CMYA5: variants seen among roughly 807,000 people sequenced by gnomAD.
CMYA5 encodes cardiomyopathy associated 5, also known as cardiomyopathy-associated protein 5.
In CMYA5, 246 loss-of-function variants were observed where a neutral mutation model predicts 318.9. That is an observed-to-expected ratio of 0.77 (90% CI 0.70 to 0.86). The LOEUF is 0.86. CMYA5 is among the 40% of genes least tolerant of loss of function. The probability of loss-of-function intolerance (pLI) is 0.00; values close to 1 mark genes in which losing one functional copy is unlikely to be tolerated. For missense variants in CMYA5, 4,589 were observed against 4,678.2 expected, an observed-to-expected ratio of 0.98 and a Z score of 0.56; for synonymous variants, 1,641 against 1,729.5, an observed-to-expected ratio of 0.95 and a Z score of 1.27.
Position 79,730,084 on chromosome 5 carries a change from C to T in CMYA5, c.1319C>T (p.Ser440Leu), listed in dbSNP as rs781412551. The change falls in exon 2 of 13, where the codon TCA becomes TTA. Residue 440 changes from serine (S) to leucine (L), a missense_variant. Around this residue, in one of 3 missense-constraint regions of CMYA5, gnomAD observed 2,132 missense variants for 2,131.3 expected, o/e 1.00. Coordinates refer to ENST00000446378, the MANE Select transcript of CMYA5 (RefSeq NM_153610.5). ...CATTCCATTTCTCTGGAGGCAGCGT[C>T]ACCAGGTCTGGCAGCATCTACCCAG... ...AHHSISLEAA[S>L]PGLAASTQDG... 6 of 1,613,696 alleles carry T rather than the reference C, an allele frequency of 3.7e-6. No homozygotes were observed. In the East Asian group the frequency reaches 6.7e-5, roughly 18 times the overall value.
Position 79,792,790 on chromosome 5 carries a change from T to C in CMYA5, c.11790-647T>C, listed in dbSNP as rs145166907. Among the ~76,000 whole-genome samples, 29 of 152,346 alleles carry C rather than the reference T, an allele frequency of 1.9e-4. No individual in the cohort carries two copies. The East Asian group carries it at 5.6e-3, about 29-fold the overall frequency. On this transcript the variant is annotated intron_variant, in intron 11 of 12. Transcript: ENST00000446378. ...TTGGTTCATTTCACTAAGGTGCTTATAAAAATAGCTAAGGTGAGACAAAAA... is the reference window on the plus strand; with the variant it reads ...TTGGTTCATTTCACTAAGGTGCTTACAAAAATAGCTAAGGTGAGACAAAAA...
chr5:79,735,151 C>A lies in CMYA5; in HGVS notation c.6386C>A (p.Pro2129His). ...AAACCATCACCTGAAGTAAAAATAC[C>A]CACACAAAGAAAACCCATCTCCTCA... ...GKKPSPEVKI[P>H]TQRKPISSIH... is the part of the protein sequence containing the mutation. The change falls in exon 2 of 13, where the codon CCC (proline) becomes CAC (histidine). Residue 2129 changes from proline (P) to histidine (H), a missense_variant. Physicochemically the swap from Pro to His is moderately conservative, Grantham distance 77. Coordinates refer to ENST00000446378, the MANE Select transcript of CMYA5 (RefSeq NM_153610.5). The A allele has an allele frequency of 6.2e-7, 1 of 1,613,498 alleles. No homozygotes were observed. Among genetic ancestry groups the A allele is most frequent in the South Asian group, 1.1e-5 (1 of 91,038 alleles).
In CMYA5 at chr5:79,736,254, ACACTTGGATCTAGAT is replaced by A. The variant is rs1460442608; in HGVS notation, c.7491_7505del (p.Leu2498_Ser2502del). ...TAATGAAATAGGGAAGACACAAATTACACTTGGATCTAGATCTACTGAACTGAAAGAATCAAAAGC... is the reference window on the plus strand; with the variant it reads ...TAATGAAATAGGGAAGACACAAATTACTACTGAACTGAAAGAATCAAAAGC... On this transcript the variant is annotated inframe_deletion, in exon 2 of 13. Coordinates refer to ENST00000446378, the MANE Select transcript of CMYA5 (RefSeq NM_153610.5). The A allele has an allele frequency of 6.2e-7, 1 of 1,613,426 alleles. No homozygotes were observed. The highest frequency in any genetic ancestry group is 1.7e-5 in the Admixed American group (1 of 59,904).
At chr5:79,710,747 C>T (rs1827373479) in intron 1 of CMYA5, among the ~76,000 whole-genome samples, 1 of 152,062 alleles carries the variant, frequency 6.6e-6, no homozygotes. Context: ...GAACTTTCCC[C>T]TGAGTTCAAC....
intron 1 of CMYA5, among the ~76,000 whole-genome samples, chr5:79,702,859 C>T (rs759591525): frequency 1.3e-5 from 2 of 152,218 alleles, no homozygotes; most frequent in Non-Finnish European, 2.9e-5. Flanking sequence ...GCTATTGCCA[C>T]ATCCACACCA....
chr5:79,706,383 AC>A (rs1459708967), intron 1 of CMYA5, among the ~76,000 whole-genome samples: 1 of 152,220 alleles, frequency 6.6e-6, no homozygotes, highest in Admixed American at 6.5e-5. Context: ...TCTTTCCATA[AC>A]CTGTGATTAG....
chr5:79,728,388 G>A (rs1200844168), intron 1 of CMYA5, among the ~76,000 whole-genome samples: 1 of 151,668 alleles, frequency 6.6e-6, no homozygotes, highest in Non-Finnish European at 1.5e-5. Flanking sequence ...GGCATACTGA[G>A]CTGGTTAGTA....
chr5:79,745,262 A>T lies in CMYA5; in HGVS notation c.10775A>T (p.Asn3592Ile). Residue 3592 changes from asparagine (N) to isoleucine (I), a missense_variant, in exon 4 of 13, where the codon AAT becomes ATT. Coordinates refer to ENST00000446378, the MANE Select transcript of CMYA5 (RefSeq NM_153610.5). ...SKNEKRLEEQ[N>I]EEMMKKVLAQ... ...AATGAGAAAAGGCTAGAAGAACAGA[A>T]TGAGGAAATGATGAAGAAGGTTTTA... 1 of 1,606,342 alleles carries T rather than the reference A, an allele frequency of 6.2e-7. No individual in the cohort carries two copies. The highest frequency in any genetic ancestry group is 8.5e-7 in the Non-Finnish European group (1 of 1,175,872).
chr5:79,767,374 T>G (rs1018635720), intron 9 of CMYA5, among the ~76,000 whole-genome samples: 8 of 152,094 alleles, frequency 5.3e-5, no homozygotes, highest in Non-Finnish European at 8.8e-5. Context: ...TTGCTTCTCT[T>G]GTTCTTTTGA....
chr5:79,747,187 A>G (rs367563985), intron 5 of CMYA5, 74 bp downstream of exon 5: 8 of 1,412,374 alleles, frequency 5.7e-6, no homozygotes, highest in Admixed American at 2.7e-5. Context: ...TTGGTGCTTT[A>G]TGGAAAATGA....
At position 79,775,046 on chromosome 5, in the gene CMYA5, CTG is replaced by C. The variant is rs1828914665; in HGVS notation, c.11555+11838_11555+11839del. ...TCTTCACAGGGTGACAGGAGGGTCA[CTG>C]ACACGATTGGGCCAAAGTTCTTATT... On this transcript the variant is annotated intron_variant, in intron 9 of 12. Coordinates refer to ENST00000446378, the MANE Select transcript of CMYA5 (RefSeq NM_153610.5). 2.0e-5 allele frequency among the ~76,000 whole-genome samples: 3 copies of C among 152,176 alleles called. No homozygotes were observed. The South Asian group carries it at 6.2e-4, about 32-fold the overall frequency.
intron 4 of CMYA5, among the ~76,000 whole-genome samples, chr5:79,746,080 T>G (rs1828316878): frequency 6.6e-6 from 1 of 152,206 alleles, no homozygotes; most frequent in African/African-American, 2.4e-5. Flanking sequence ...CTGTGCTCCC[T>G]GCAATTCCCT....
chr5:79,724,946 T>G (rs1452509942), intron 1 of CMYA5, among the ~76,000 whole-genome samples: 1 of 152,226 alleles, frequency 6.6e-6, no homozygotes, highest in Non-Finnish European at 1.5e-5. Flanking sequence ...TCTCCTATCT[T>G]CATTCACTTA....
At position 79,737,768 on chromosome 5, in the gene CMYA5, TA is replaced by T; in HGVS notation, c.9007del (p.Thr3003HisfsTer2). 6.2e-7 allele frequency: 1 copy of T among 1,611,438 alleles called. No homozygotes were observed. The highest frequency in any genetic ancestry group is 8.5e-7 in the Non-Finnish European group (1 of 1,179,266). On this transcript the variant is annotated frameshift_variant, in exon 2 of 13. Coordinates refer to ENST00000446378, the MANE Select transcript of CMYA5 (RefSeq NM_153610.5). LOFTEE classifies it high-confidence loss of function. Reference sequence around the variant, plus strand: ...ATGATAGTGAAACAGTTGCTTGTCATAAAACATTAAAGAGCAGGTTAGAAGA... The same window carrying T: ...ATGATAGTGAAACAGTTGCTTGTCATAAACATTAAAGAGCAGGTTAGAAGA... ...PDDSETVACH[K>X]TLKSRLEDEK... is the part of the protein sequence containing the mutation.
rs764230086 is a variant in CMYA5, at chr5:79,734,340, G to C, written c.5575G>C (p.Glu1859Gln). Residue 1859 changes from glutamate (E) to glutamine (Q), a missense_variant, in exon 2 of 13, where the codon GAG becomes CAG. Glu to Gln is a conservative substitution (Grantham distance 29). This residue lies in a region of CMYA5 where 2,132 missense variants were observed against 2,131.3 expected (regional missense o/e 1.00). Transcript: ENST00000446378. ...TATTAAGCAGTTTTCACTTATGAGA[G>C]AGAATTTGCCTTTGGAACAATCAAA... is the stretch of plus-strand genomic sequence containing the variant. ...LGIKQFSLMR[E>Q]NLPLEQSKSF... 2.5e-6 allele frequency: 4 copies of C among 1,613,860 alleles called. No individual in the cohort carries two copies. In the South Asian group the frequency reaches 4.4e-5, roughly 18 times the overall value.
Position 79,736,420 on chromosome 5 carries a change from A to G in CMYA5, c.7655A>G (p.Lys2552Arg). Residue 2552 changes from lysine to arginine, a missense_variant, in exon 2 of 13, where the codon AAG becomes AGG. Coordinates refer to ENST00000446378, the MANE Select transcript of CMYA5 (RefSeq NM_153610.5). ...CAGGTATATGTGCTTTCAGAAGGAAAGAAGCAGCAGGAACATCAGCCTTAT... is the reference window on the plus strand; with the variant it reads ...CAGGTATATGTGCTTTCAGAAGGAAGGAAGCAGCAGGAACATCAGCCTTAT... The part of the protein sequence containing the change: ...ENQVYVLSEG[K>R]KQQEHQPYSV... 1.2e-6 allele frequency: 2 copies of G among 1,609,194 alleles called. No individual in the cohort carries two copies. The highest frequency in any genetic ancestry group is 2.2e-5 in the South Asian group (2 of 90,464).
At chr5:79,703,043 G>T in intron 1 of CMYA5, among the ~76,000 whole-genome samples, 1 of 152,178 alleles carries the variant, frequency 6.6e-6, no homozygotes, top group East Asian at 1.9e-4. Context: ...CCCAAGGTGG[G>T]GAATTCACCA....
Position 79,736,332 on chromosome 5 carries a change from T to C in CMYA5, c.7567T>C (p.Tyr2523His). ...MPQHFYQNED[Y>H]NERPKIIVGS... The stretch of plus-strand genomic sequence containing the variant: ...ACAGCACTTCTATCAAAATGAAGAC[T>C]ACAATGAAAGACCCAAAATCATTGT... Residue 2523 changes from tyrosine to histidine, a missense_variant, in exon 2 of 13, where the codon TAC (tyrosine) becomes CAC (histidine). Transcript: ENST00000446378. The C allele has an allele frequency of 1.2e-6, 2 of 1,613,564 alleles. No homozygotes were observed. The highest frequency in any genetic ancestry group is 1.7e-6 in the Non-Finnish European group (2 of 1,179,740).
At chr5:79,744,140 G>A (rs1176266213) in intron 3 of CMYA5, among the ~76,000 whole-genome samples, 1 of 152,196 alleles carries the variant, frequency 6.6e-6, no homozygotes, top group African/African-American at 2.4e-5. Flanking sequence ...TGCCGGTAAC[G>A]ACAGACATGC....
Sources: gnomAD v4.1 joint callset for allele counts (sites outside exome capture counted in the v4.1 genomes callset) on GRCh38, gnomAD v4.1.1 for gene constraint, gnomAD v4.1.1 regional missense constraint, MANE v1.5 for transcripts, NCBI Gene and HGNC (gene_info 2026-07-23, HGNC 2026-07-21) for gene names.